Variants in PLCG2 observed in about 807,000 individuals in gnomAD.
PLCG2 encodes the protein 1-phosphatidylinositol 4,5-bisphosphate phosphodiesterase gamma-2.
In PLCG2, 69 loss-of-function variants were observed where a neutral mutation model predicts 175.6. That is an observed-to-expected ratio of 0.39 (90% confidence interval 0.32 to 0.48). PLCG2 has a LOEUF of 0.48. PLCG2 is among the 20% of genes least tolerant of loss of function. The pLI, the probability that PLCG2 is intolerant of heterozygous loss-of-function variation, is 0.91. For synonymous variants in PLCG2, 827 were observed against 624.0 expected (o/e 1.33, Z -4.85); for missense variants, 1,798 against 1,650.9 (o/e 1.09, Z -1.54).
At chr16:81,907,084 A>T (rs984822821) in intron 15 of PLCG2, among the ~76,000 whole-genome samples, 1 of 151,806 alleles carries the variant, frequency 6.6e-6, no homozygotes, top group Non-Finnish European at 1.5e-5. Flanking sequence ...TGGCACATGT[A>T]TACATATGTA....
chr16:81,788,581 G>T (rs1911088022), intron 2 of PLCG2, among the ~76,000 whole-genome samples: 1 of 152,194 alleles, frequency 6.6e-6, no homozygotes, highest in African/African-American at 2.4e-5. Context: ...TCAGCCACAG[G>T]ATGTAAAAGT....
intron 2 of PLCG2, chr16:81,851,954 C>G (rs978324959): frequency 3.3e-5 from 5 of 152,486 alleles, no homozygotes; most frequent in Non-Finnish European, 5.9e-5. Context: ...CCATTGTTGC[C>G]TGTGAATGGC....
intron 2 of PLCG2, among the ~76,000 whole-genome samples, chr16:81,837,514 G>C (rs2143410602): frequency 6.6e-6 from 1 of 152,332 alleles, no homozygotes; most frequent in Non-Finnish European, 1.5e-5. Flanking sequence ...CCCCTGGGAG[G>C]AGTAAGGGAT....
intron 11 of PLCG2, 152 bp from the exon 12 acceptor site, chr16:81,893,557 T>C (rs1908738704): frequency 1.6e-6 from 1 of 643,524 alleles, no homozygotes; most frequent in Non-Finnish European, 2.8e-6. Context: ...ATTTCTGTCC[T>C]AGGCCTTAGC....
At chr16:81,828,121 A>T (rs1047144254) in intron 2 of PLCG2, among the ~76,000 whole-genome samples, 1 of 149,962 alleles carries the variant, frequency 6.7e-6, no homozygotes, top group Admixed American at 6.7e-5. Flanking sequence ...AAGTTGACTC[A>T]TTGAAACACA....
At chr16:81,860,919 G>A (rs1252622741) in intron 5 of PLCG2, among the ~76,000 whole-genome samples, 3 of 152,144 alleles carry the variant, frequency 2.0e-5, no homozygotes, top group Admixed American at 1.3e-4. Flanking sequence ...GGAGGTTGCA[G>A]TGAGCCGAGA....
intron 5 of PLCG2, 84 bp downstream of exon 5, chr16:81,859,247 G>A: frequency 1.1e-6 from 1 of 873,918 alleles, no homozygotes; most frequent in Non-Finnish European, 1.9e-6. Context: ...GTGGGAGCAT[G>A]ACTTGTCGGG....
intron 2 of PLCG2, among the ~76,000 whole-genome samples, chr16:81,818,840 G>A (rs1904666198): frequency 6.8e-6 from 1 of 147,772 alleles, no homozygotes; most frequent in Non-Finnish European, 1.5e-5. Flanking sequence ...AATATGAATA[G>A]GGGGATTTGA....
intron 31 of PLCG2, among the ~76,000 whole-genome samples, chr16:81,946,757 C>A (rs544209630): frequency 2.2e-4 from 34 of 152,292 alleles, no homozygotes; most frequent in African/African-American, 8.2e-4. Flanking sequence ...CCTTTTTCCT[C>A]CTTTACGCCA....
intron 1 of PLCG2, among the ~76,000 whole-genome samples, chr16:81,780,146 T>TG (rs1300613495): frequency 6.6e-6 from 1 of 150,908 alleles, no homozygotes; most frequent in Non-Finnish European, 1.5e-5. Flanking sequence ...TGAGAAACTA[T>TG]GGGGGGCGGG....
rs139817920 is a variant in PLCG2 at position 81,865,303 on chromosome 16, G to A, written c.480-3911G>A. ...AGCCGTTGGCTTCCTCCCCTGCAGC[G>A]ATGGGGGCTCAGCCTGCCTGTGCTG... On this transcript the variant is annotated intron_variant, in intron 5 of 32. Transcript: ENST00000564138. Among the ~76,000 whole-genome samples, 29 of 152,266 alleles carry A rather than the reference G, an allele frequency of 1.9e-4. No homozygotes were observed. In the East Asian group the frequency reaches 5.4e-3, roughly 28 times the overall value.
In PLCG2 at chr16:81,912,412, A is replaced by T. The variant is rs537377413; in HGVS notation, c.1935-185A>T. Among the ~76,000 whole-genome samples, 60 of 152,276 alleles carry T rather than the reference A, an allele frequency of 3.9e-4. No homozygotes were observed. In the South Asian group the frequency reaches 8.1e-3, roughly 21 times the overall value. ...AAACAGACCCCTGGGGTCTTCCACTATTCTTTTCACAAATTCTCTTTGCTG... is the reference window on the plus strand; with the variant it reads ...AAACAGACCCCTGGGGTCTTCCACTTTTCTTTTCACAAATTCTCTTTGCTG... On this transcript the variant is annotated intron_variant, in intron 18 of 32. Coordinates refer to ENST00000564138, the MANE Select transcript of PLCG2 (RefSeq NM_002661.5).
intron 12 of PLCG2, 58 bp downstream of exon 12, chr16:81,893,852 G>A (rs916920774): frequency 1.9e-6 from 2 of 1,061,280 alleles, no homozygotes; most frequent in South Asian, 1.3e-5. Context: ...ATAACCATGT[G>A]GTTGCTCCAT....
intron 30 of PLCG2, among the ~76,000 whole-genome samples, chr16:81,942,460 A>C (rs1380619207): frequency 2.0e-5 from 3 of 152,154 alleles, no homozygotes; most frequent in Admixed American, 6.5e-5. Context: ...ATCCATATTC[A>C]TGGGAGGAAT....
chr16:81,876,851 G>A (rs1185321045), intron 7 of PLCG2, among the ~76,000 whole-genome samples: 2 of 152,216 alleles, frequency 1.3e-5, no homozygotes, highest in Non-Finnish European at 2.9e-5. Flanking sequence ...CCTCCACGGT[G>A]CACCCGTAGC....
chr16:81,887,494 A>C (rs1181855401), intron 9 of PLCG2, among the ~76,000 whole-genome samples: 1 of 152,268 alleles, frequency 6.6e-6, no homozygotes, highest in Admixed American at 6.5e-5. Context: ...TCTGTATTCA[A>C]ATGAGCTTGT....
At chr16:81,793,530 T>C (rs1167722548) in intron 2 of PLCG2, among the ~76,000 whole-genome samples, 2 of 152,224 alleles carry the variant, frequency 1.3e-5, no homozygotes, top group Non-Finnish European at 2.9e-5. Flanking sequence ...TGTAGGCTTT[T>C]TATCCTGACA....
intron 2 of PLCG2, among the ~76,000 whole-genome samples, chr16:81,826,719 G>A (rs1210463375): frequency 2.0e-5 from 3 of 152,078 alleles, no homozygotes; most frequent in South Asian, 2.1e-4. Context: ...GCTTTTTGAC[G>A]AGTCTACCCA....
At chr16:81,935,087 G>T (rs1910652781) in intron 26 of PLCG2, among the ~76,000 whole-genome samples, 2 of 152,098 alleles carry the variant, frequency 1.3e-5, no homozygotes, top group Non-Finnish European at 2.9e-5. Flanking sequence ...CCACAAACTT[G>T]GTGGCTGAAA....
Sources: gnomAD v4.1 joint callset for allele counts (sites outside exome capture counted in the v4.1 genomes callset) on GRCh38, gnomAD v4.1.1 for gene constraint, MANE v1.5 for transcripts, NCBI Gene and HGNC (gene_info 2026-07-23, HGNC 2026-07-21) for gene names.